TAS2R1: variants seen among roughly 807,000 people sequenced by gnomAD.
TAS2R1 encodes taste 2 receptor member 1.
For missense variants in TAS2R1, 370 were observed against 353.4 expected (o/e 1.05, Z -0.38); for synonymous variants, 141 against 134.2 (o/e 1.05, Z -0.35).
At chr5:9,659,386 C>T (rs529454817) in intron 2 of TAS2R1, 1 of 152,142 alleles carries the variant, frequency 6.6e-6, no homozygotes, top group Non-Finnish European at 1.5e-5. Flanking sequence ...AGAAGAATGA[C>T]AGCCCCACAT....
Position 9,671,962 on chromosome 5 carries a change from G to C in TAS2R1, c.-241-12381C>G, listed in dbSNP as rs1459910919. ...TACAAAAACAGGCACATAGATCAAT[G>C]GGACAGAGCCCAGAAATAATACCTC... On this transcript the variant is annotated intron_variant, in intron 1 of 2. Coordinates refer to the TAS2R1 transcript ENST00000506620. 2.6e-5 allele frequency among the ~76,000 whole-genome samples: 4 copies of C among 151,964 alleles called. No homozygotes were observed. The East Asian group carries it at 7.7e-4, about 29-fold the overall frequency.
the TAS2R1 span, among the ~76,000 whole-genome samples, chr5:9,729,435 GA>G: frequency 6.6e-6 from 1 of 152,102 alleles, no homozygotes; most frequent in East Asian, 1.9e-4. Context: ...TCTGCCTTAT[GA>G]CCATATTTGA....
chr5:9,808,094 C>A, the TAS2R1 span, among the ~76,000 whole-genome samples: 1 of 151,992 alleles, frequency 6.6e-6, no homozygotes, highest in Non-Finnish European at 1.5e-5. Context: ...GCCAAGATTG[C>A]CATGAAAGGA....
At chr5:9,758,941 G>GA in the TAS2R1 span, among the ~76,000 whole-genome samples, 1 of 152,220 alleles carries the variant, frequency 6.6e-6, no homozygotes, top group Non-Finnish European at 1.5e-5. Flanking sequence ...ATGAATTCAT[G>GA]AAAAAACGCT....
chr5:9,798,823 C>T, the TAS2R1 span, among the ~76,000 whole-genome samples: 2 of 152,226 alleles, frequency 1.3e-5, no homozygotes, highest in Non-Finnish European at 2.9e-5. Flanking sequence ...GCAATCTCTC[C>T]CGCAAACTCA....
the TAS2R1 span, among the ~76,000 whole-genome samples, chr5:9,874,954 C>T: frequency 1.3e-5 from 2 of 152,252 alleles, no homozygotes; most frequent in South Asian, 4.2e-4. Flanking sequence ...GGTTTATGGG[C>T]ATTCTTATAA....
At chr5:9,696,819 G>T (rs568906576) in intron 1 of TAS2R1, among the ~76,000 whole-genome samples, 1 of 151,748 alleles carries the variant, frequency 6.6e-6, no homozygotes, top group Non-Finnish European at 1.5e-5. Flanking sequence ...TTTGAGACCA[G>T]ACTGACCAAC....
chr5:9,811,136 T>G, the TAS2R1 span, among the ~76,000 whole-genome samples: 1 of 152,278 alleles, frequency 6.6e-6, no homozygotes, highest in African/African-American at 2.4e-5. Flanking sequence ...AAACATGATT[T>G]GTATCTTTCT....
chr5:9,821,320 CCTT>C, the TAS2R1 span, among the ~76,000 whole-genome samples: 1 of 152,176 alleles, frequency 6.6e-6, no homozygotes, highest in East Asian at 1.9e-4. Flanking sequence ...ACCACCACCC[CCTT>C]CTTCTTCACA....
chr5:9,638,664 G>C (rs1322840260), intron 2 of TAS2R1, among the ~76,000 whole-genome samples: 1 of 152,144 alleles, frequency 6.6e-6, no homozygotes, highest in Non-Finnish European at 1.5e-5. Context: ...CTCATGTGAT[G>C]TGTGGGGCCA....
chr5:9,873,389 A>C, the TAS2R1 span, among the ~76,000 whole-genome samples: 2 of 148,630 alleles, frequency 1.3e-5, no homozygotes, highest in African/African-American at 2.5e-5. Context: ...GAGCAGAAGA[A>C]ACCACTGGAA....
the TAS2R1 span, among the ~76,000 whole-genome samples, chr5:9,872,419 C>T: frequency 6.6e-6 from 1 of 152,132 alleles, no homozygotes; most frequent in Non-Finnish European, 1.5e-5. Flanking sequence ...TTTAAAAAAA[C>T]CCCTTTGCTT....
At chr5:9,731,358 C>T in the TAS2R1 span, among the ~76,000 whole-genome samples, 2 of 152,128 alleles carry the variant, frequency 1.3e-5, no homozygotes, top group Admixed American at 6.5e-5. Flanking sequence ...CAAACTCAGC[C>T]GCGGCACCCC....
the TAS2R1 span, among the ~76,000 whole-genome samples, chr5:9,895,846 G>A: frequency 6.6e-6 from 1 of 152,332 alleles, no homozygotes; most frequent in South Asian, 2.1e-4. Flanking sequence ...GAGTCCAGCT[G>A]TAATCTGATG....
the TAS2R1 span, among the ~76,000 whole-genome samples, chr5:9,808,884 G>A: frequency 4.6e-5 from 7 of 152,162 alleles, no homozygotes; most frequent in African/African-American, 1.7e-4. Context: ...GGCCACTGAA[G>A]ATATCCTTGT....
rs1203787296 is a variant in TAS2R1, at chr5:9,627,626, T to A, written c.*1507A>T. Among the ~76,000 whole-genome samples, 9 of 152,208 alleles carry A rather than the reference T, an allele frequency of 5.9e-5. No homozygotes were observed. On this transcript the variant is annotated 3_prime_UTR_variant, in exon 1 of 1. Transcript: ENST00000382492. ...TCTCTGAACTTGAGAAAAAGAAAAGTGACTTTTCATTGTCCTTTCCCCCAT... is the reference window on the plus strand; with the variant it reads ...TCTCTGAACTTGAGAAAAAGAAAAGAGACTTTTCATTGTCCTTTCCCCCAT...
At chr5:9,853,532 T>C in the TAS2R1 span, among the ~76,000 whole-genome samples, 2 of 152,176 alleles carry the variant, frequency 1.3e-5, no homozygotes, top group African/African-American at 4.8e-5. Flanking sequence ...TAAACTGTCA[T>C]GGTGCTGGTG....
chr5:9,787,728 A>G, the TAS2R1 span, among the ~76,000 whole-genome samples: 1 of 152,204 alleles, frequency 6.6e-6, no homozygotes, highest in African/African-American at 2.4e-5. Context: ...TGCAAGAAAC[A>G]CTGTCAGAAC....
chr5:9,672,826 C>T (rs577480306), intron 1 of TAS2R1, among the ~76,000 whole-genome samples: 51 of 152,146 alleles, frequency 3.4e-4, no homozygotes, highest in African/African-American at 1.1e-3. Context: ...ATCATTCTCC[C>T]GTAAAGACAC....
Sources: allele counts gnomAD v4.1 joint callset (sites outside exome capture counted in the v4.1 genomes callset), GRCh38; gene constraint gnomAD v4.1.1; transcripts MANE v1.5; gene names NCBI Gene and HGNC (gene_info 2026-07-23, HGNC 2026-07-21).